NEMF: variants seen among roughly 807,000 people sequenced by gnomAD.
NEMF encodes ribosome quality control complex subunit NEMF.
In NEMF, 89 loss-of-function variants were observed where a neutral mutation model predicts 162.2. The ratio of observed to expected loss-of-function variants is 0.55; its 90% CI spans 0.46 to 0.65. The LOEUF (loss-of-function observed/expected upper bound fraction) is 0.65. NEMF is among the 30% of genes least tolerant of loss of function. The probability of loss-of-function intolerance (pLI) is 0.00; values close to 1 mark genes in which losing one functional copy is unlikely to be tolerated. For missense variants in NEMF, 1,133 were observed against 1,261.9 expected (o/e 0.90, Z 1.55); for synonymous variants, 421 against 404.5 (o/e 1.04, Z -0.49).
At chr14:49,785,883 C>G (rs1890152535) in intron 29 of NEMF, 1 of 51,772 alleles carries the variant, frequency 1.9e-5, no homozygotes, top group Non-Finnish European at 3.8e-5. Flanking sequence ...GACAGAGACC[C>G]TGTCTCAAAA....
In NEMF at chr14:49,782,510, T is replaced by C; in HGVS notation, c.*2126A>G. ...TGAAACTTACTTGCAAAGCATTTGC[T>C]TTTAAATGTGTTCTTCCTATTTATT... On this transcript the variant is annotated 3_prime_UTR_variant, in exon 33 of 33. Transcript: ENST00000298310. 6.2e-7 allele frequency: 1 copy of C among 1,600,926 alleles called. No homozygotes were observed. The highest frequency in any genetic ancestry group is 8.5e-7 in the Non-Finnish European group (1 of 1,170,618).
chr14:49,811,020 A>T (rs558276023), intron 18 of NEMF, among the ~76,000 whole-genome samples: 48 of 152,262 alleles, frequency 3.2e-4, no homozygotes, highest in African/African-American at 1.1e-3. Context: ...CAATTTTGAG[A>T]GGGATTACAG....
At chr14:49,802,632 A>G (rs2139862955) in intron 21 of NEMF, 37 bp downstream of exon 21, 2 of 1,611,228 alleles carry the variant, frequency 1.2e-6, no homozygotes, top group Non-Finnish European at 1.7e-6. Flanking sequence ...GAAAATCAGG[A>G]AAAAAACAAA....
intron 16 of NEMF, among the ~76,000 whole-genome samples, chr14:49,816,302 TCCTTTGCCTTGTGATCTTTGCTTTTGC>T (rs1312904252): frequency 2.0e-5 from 3 of 152,192 alleles, no homozygotes; most frequent in African/African-American, 4.8e-5. Flanking sequence ...CAATCTTTTG[TCCTTTGCCTTGTGATCTTTGCTTTTGC>T]CCTTTGCCTT....
At chr14:49,828,376 A>C (rs772003980) in intron 14 of NEMF, 22 bp from the exon 15 acceptor site, 1 of 1,426,210 alleles carries the variant, frequency 7.0e-7, no homozygotes, top group South Asian at 1.2e-5. Flanking sequence ...TATTTCTCTT[A>C]AATTTTAAGT....
intron 3 of NEMF, among the ~76,000 whole-genome samples, chr14:49,851,007 C>T (rs914115203): frequency 2.0e-4 from 31 of 152,256 alleles, no homozygotes; most frequent in African/African-American, 6.3e-4. Flanking sequence ...CATTTGAGAT[C>T]AGACTGGCCA....
intron 16 of NEMF, among the ~76,000 whole-genome samples, chr14:49,821,586 T>TG (rs568674046): frequency 5.4e-4 from 32 of 58,876 alleles, no homozygotes; most frequent in African/African-American, 2.1e-3. Context: ...GGGAGGGAGG[T>TG]GGGGGGGTCA....
intron 25 of NEMF, chr14:49,797,360 C>A (rs1301629077): frequency 2.0e-5 from 3 of 151,620 alleles, no homozygotes; most frequent in African/African-American, 7.3e-5. Context: ...CGGCCAGGCG[C>A]GGTGGCTCAC....
intron 26 of NEMF, among the ~76,000 whole-genome samples, chr14:49,789,963 A>G (rs1890364159): frequency 6.6e-6 from 1 of 152,234 alleles, no homozygotes; most frequent in Non-Finnish European, 1.5e-5. Flanking sequence ...TAGGCTAGGC[A>G]CTTATTCTAG....
chr14:49,830,195 AAAAT>A (rs1892569300), intron 11 of NEMF, among the ~76,000 whole-genome samples: 1 of 152,212 alleles, frequency 6.6e-6, no homozygotes, highest in Non-Finnish European at 1.5e-5. Context: ...TAAAACCCAC[AAAAT>A]AATTACCAAA....
At chr14:49,815,772 G>A (rs936795568) in intron 16 of NEMF, among the ~76,000 whole-genome samples, 40 of 152,126 alleles carry the variant, frequency 2.6e-4, no homozygotes, top group African/African-American at 8.7e-4. Flanking sequence ...AGACCATCCC[G>A]GTTAACATGG....
At chr14:49,844,743 A>G (rs1319560008) in intron 4 of NEMF, 1 of 183,066 alleles carries the variant, frequency 5.5e-6, no homozygotes, top group African/African-American at 2.9e-5. Context: ...GCGCGCACAC[A>G]CACACACACA....
chr14:49,782,768 A>C lies in NEMF; in HGVS notation c.*1868T>G. ...AGAGGGATGTTTTATGTAGTTTTTC[A>C]AGTGAATGTACTTCCAAACAGTAAA... On this transcript the variant is annotated 3_prime_UTR_variant, in exon 33 of 33. Transcript: ENST00000298310. The C allele has an allele frequency of 6.4e-7, 1 of 1,559,702 alleles. No homozygotes were observed. Among genetic ancestry groups the C allele is most frequent in the Non-Finnish European group, 8.7e-7 (1 of 1,148,538 alleles).
rs970325591 is a variant in NEMF at position 49,784,774 on chromosome 14, T to C, written c.3154-61A>G. 41 of 1,509,204 alleles carry C rather than the reference T, an allele frequency of 2.7e-5. No homozygotes were observed. The African/African-American group carries it at 3.6e-4, about 13-fold the overall frequency. 93.5% of individuals were successfully genotyped at this position (1,509,204 alleles called of 1,614,324 possible). A position where few individuals can be genotyped will look rare whatever the true frequency, so the allele number is the denominator to read the frequency against. ...TGTATGGTCAATCATGTTTCTTTTA[T>C]GACAAAAACGAAAAACATTTCCAAA... is the stretch of plus-strand genomic sequence containing the variant. On this transcript the variant is annotated intron_variant, in intron 32 of 32. Coordinates refer to ENST00000298310, the MANE Select transcript of NEMF (RefSeq NM_004713.6).
intron 16 of NEMF, among the ~76,000 whole-genome samples, chr14:49,821,607 C>T (rs1442278234): frequency 4.2e-5 from 4 of 94,724 alleles, no homozygotes; most frequent in Admixed American, 1.2e-4. Context: ...GCCCCCCGCC[C>T]GGCCAGCTGC....
Position 49,783,104 on chromosome 14 carries a change from G to A in NEMF, c.*1532C>T, listed in dbSNP as rs1889989440. 1 of 617,846 alleles carries A rather than the reference G, an allele frequency of 1.6e-6. No individual in the cohort carries two copies. Among genetic ancestry groups the A allele is most frequent in the African/African-American group, 1.9e-5 (1 of 52,634 alleles). The allele number at this position is 617,846 out of a possible 1,614,324, so 38.3% of individuals were successfully genotyped here. A position where few individuals can be genotyped will look rare whatever the true frequency, so the allele number is the denominator to read the frequency against. ...TGAATGGCCTAGAGAACCTATTTTT[G>A]TGTCTAAAGTTTACAATAAATGTAT... is the stretch of plus-strand genomic sequence containing the variant. On this transcript the variant is annotated 3_prime_UTR_variant, in exon 33 of 33. Transcript: ENST00000298310.
At chr14:49,803,170 AC>A in intron 20 of NEMF, 66 bp downstream of exon 20, 1 of 1,131,328 alleles carries the variant, frequency 8.8e-7, no homozygotes, top group South Asian at 1.3e-5. Flanking sequence ...GTATTTGTAA[AC>A]TGTCTCAAAC....
In NEMF at chr14:49,809,052, C is replaced by A. The variant is rs187269514; in HGVS notation, c.1745-2919G>T. On this transcript the variant is annotated intron_variant, in intron 18 of 32. Coordinates refer to ENST00000298310, the MANE Select transcript of NEMF (RefSeq NM_004713.6). ...ACACTAAATTCTGGTGGCAGTGGAA[C>A]AACAGGAACTCCCATTGCTGGTGGT... 8.5e-5 allele frequency among the ~76,000 whole-genome samples: 13 copies of A among 152,204 alleles called. No individual in the cohort carries two copies. In the East Asian group the frequency reaches 2.5e-3, roughly 29 times the overall value.
intron 11 of NEMF, among the ~76,000 whole-genome samples, 175 bp from the exon 12 acceptor site, chr14:49,829,601 A>C (rs1382982829): frequency 1.3e-5 from 2 of 152,126 alleles, no homozygotes; most frequent in Non-Finnish European, 2.9e-5. Context: ...CCATGCCCCA[A>C]AATTACTTCT....
Sources: allele counts gnomAD v4.1 joint callset (sites outside exome capture counted in the v4.1 genomes callset), GRCh38; gene constraint gnomAD v4.1.1; transcripts MANE v1.5; gene names NCBI Gene and HGNC (gene_info 2026-07-23, HGNC 2026-07-21).